Variants in MUC3A observed in about 807,000 individuals in gnomAD.
MUC3A encodes mucin 3A, cell surface associated.
A neutral mutation model predicts 109.0 loss-of-function variants in MUC3A; 109 were observed. The observed-to-expected ratio is 1.00, with a 90% CI of 0.86 to 1.17. MUC3A has a LOEUF of 1.17. Ranked by LOEUF, MUC3A falls within the 50% of genes most tolerant of loss-of-function variation. The pLI is 0.00. For synonymous variants in MUC3A, 1,398 were observed against 981.4 expected (o/e 1.42, Z -7.93); for missense variants, 3,537 against 2,469.4 (o/e 1.43, Z -9.16).
chr7:100,964,571 A>T, intron 5 of MUC3A, 124 bp from the exon 6 acceptor site: 2 of 1,425,166 alleles, frequency 1.4e-6, no homozygotes, highest in African/African-American at 1.4e-5. Context: ...TGCACGTGGC[A>T]TCCCAACTCA....
At chr7:100,966,334 G>A in intron 8 of MUC3A, 52 bp from the exon 9 acceptor site, 3 of 1,260,940 alleles carry the variant, frequency 2.4e-6, no homozygotes, top group Non-Finnish European at 3.0e-6. Flanking sequence ...AGGTGCACGG[G>A]TGGACCCCGA....
intron 1 of MUC3A, among the ~76,000 whole-genome samples, chr7:100,951,483 A>AGAG (rs534267105): frequency 2.3e-4 from 35 of 151,984 alleles, no homozygotes; most frequent in Non-Finnish European, 4.0e-4. Context: ...CAGGGGGAGG[A>AGAG]GAGGAAGGGG....
At chr7:100,949,776 A>T in intron 1 of MUC3A, 91 bp downstream of exon 1, 1 of 917,304 alleles carries the variant, frequency 1.1e-6, no homozygotes, top group Non-Finnish European at 1.3e-6. Flanking sequence ...AGGCCTGGGG[A>T]GGGGGGATAA....
chr7:100,959,869 C>T lies in MUC3A; in HGVS notation c.8090C>T (p.Ala2697Val), dbSNP rs781414186. ...ATCATGTCCTCTTCTCCATCTTCTG[C>T]CAGCATAACTCCAGTGTTTTCCACT... ...TIIMSSSPSS[A>V]SITPVFSTTI... The change falls in exon 2 of 12, where the codon GCC (alanine) becomes GTC (valine). Residue 2697 changes from alanine to valine, a missense_variant. Ala to Val is a moderately conservative substitution (Grantham distance 64). Transcript: ENST00000379458. 2 of 1,556,666 alleles carry T rather than the reference C, an allele frequency of 1.3e-6. No homozygotes were observed. Among genetic ancestry groups the T allele is most frequent in the Non-Finnish European group, 1.7e-6 (2 of 1,159,462 alleles).
Position 100,959,798 on chromosome 7 carries a change from C to A in MUC3A, c.8019C>A (p.Ile2673=). The part of the protein sequence containing the change: ...FTRGSTSTNA[I]LTSFSTIIWS... Reference sequence around the variant, plus strand: ...GGGGAAGTACGTCTACAAATGCAATCTTGACTTCTTTTAGTACCATCATCT... The same window carrying A: ...GGGGAAGTACGTCTACAAATGCAATATTGACTTCTTTTAGTACCATCATCT... The change falls in exon 2 of 12, where the codon ATC becomes ATA. Residue 2673 remains isoleucine (I), a synonymous_variant. Transcript: ENST00000379458. The A allele has an allele frequency of 6.3e-7, 1 of 1,593,490 alleles. No individual in the cohort carries two copies. The highest frequency in any genetic ancestry group is 1.1e-5 in the South Asian group (1 of 89,832).
At chr7:100,961,730 T>C (rs1384739369) in intron 3 of MUC3A, among the ~76,000 whole-genome samples, 1 of 152,306 alleles carries the variant, frequency 6.6e-6, no homozygotes, top group African/African-American at 2.4e-5. Context: ...GGAAAATCGC[T>C]TGAATCCAGG....
chr7:100,956,435 C>G lies in MUC3A; in HGVS notation c.4656C>G (p.Thr1552=), dbSNP rs984262273. ...CTGCCATCACCTCAGTTCCCACTAC[C>G]TTGGGTACCATGGTGACTTCTACAT... is the stretch of plus-strand genomic sequence containing the variant. ...PTTAITSVPT[T]LGTMVTSTSM... Residue 1552 remains threonine (T), a synonymous_variant, in exon 2 of 12, where the codon ACC becomes ACG. Transcript: ENST00000379458. The G allele has an allele frequency of 3.3e-5, 21 of 639,844 alleles. No homozygotes were observed. Among genetic ancestry groups the G allele is most frequent in the Non-Finnish European group, 5.8e-5 (21 of 359,284 alleles). The allele number at this position is 639,844 out of a possible 1,614,324, so 39.6% of individuals were successfully genotyped here.
Position 100,965,743 on chromosome 7 carries a change from T to G in MUC3A, c.9488T>G (p.Phe3163Cys). Residue 3163 changes from phenylalanine to cysteine, a missense_variant, in exon 8 of 12, where the codon TTC becomes TGC. Coordinates refer to ENST00000379458, the MANE Select transcript of MUC3A (RefSeq NM_005960.2). ...RRAAPTGYEE[F>C]YFPLVEATRL... is the part of the protein sequence containing the mutation. ...GCCGCTCCCACGGGCTATGAAGAGTTCTACTTCCCCTTGGTGGAGGCCACC... is the reference window on the plus strand; with the variant it reads ...GCCGCTCCCACGGGCTATGAAGAGTGCTACTTCCCCTTGGTGGAGGCCACC... 6.3e-7 allele frequency: 1 copy of G among 1,598,430 alleles called. No homozygotes were observed. Among genetic ancestry groups the G allele is most frequent in the Non-Finnish European group, 8.5e-7 (1 of 1,179,782 alleles).
chr7:100,967,595 A>C lies in MUC3A; in HGVS notation c.*433A>C. ...CACCTGGTCTCTGGCCCTGGTTCTT[A>C]TTTTCTCTCAATTCCCTACTGCCTG... On this transcript the variant is annotated 3_prime_UTR_variant, in exon 12 of 12. Coordinates refer to ENST00000379458, the MANE Select transcript of MUC3A (RefSeq NM_005960.2). 8.9e-6 allele frequency: 3 copies of C among 338,590 alleles called. No individual in the cohort carries two copies. The highest frequency in any genetic ancestry group is 5.6e-5 in the East Asian group (1 of 17,876). The allele number at this position is 338,590 out of a possible 1,614,324, so 21.0% of individuals were successfully genotyped here. A position where few individuals can be genotyped will look rare whatever the true frequency, so the allele number is the denominator to read the frequency against.
At chr7:100,966,817 C>A in intron 10 of MUC3A, 74 bp downstream of exon 10, 1 of 1,598,420 alleles carries the variant, frequency 6.3e-7, no homozygotes, top group Non-Finnish European at 8.5e-7. Context: ...CCCTCCCTGC[C>A]TTCCTCGCAT....
chr7:100,960,519 C>T lies in MUC3A; in HGVS notation c.8740C>T (p.Pro2914Ser). The change falls in exon 2 of 12, where the codon CCA (proline) becomes TCA (serine). Residue 2914 changes from proline to serine, a missense_variant. Transcript: ENST00000379458. ...TTCAAGCAAGTCAACACACCCCTCCCCACCCACCACTAGGACTTCAGAGAC... is the reference window on the plus strand; with the variant it reads ...TTCAAGCAAGTCAACACACCCCTCCTCACCCACCACTAGGACTTCAGAGAC... ...RTSSKSTHPS[P>S]PTTRTSETPV... The T allele has an allele frequency of 6.3e-7, 1 of 1,598,714 alleles. No individual in the cohort carries two copies.
rs971846699 is a variant in MUC3A at position 100,957,648 on chromosome 7, A to C, written c.5869A>C (p.Ser1957Arg). Residue 1957 changes from serine (S) to arginine (R), a missense_variant, in exon 2 of 12, where the codon AGC (serine) becomes CGC (arginine). By Grantham distance (110) the Ser-to-Arg change is moderately radical. Transcript: ENST00000379458. ...CAAGACCACCTCACACAGCTCTCCC[A>C]GCTTCACTTCTTCGATCACCACCAC... ...NTKTTSHSSPSFTSSITTTET... is the reference protein window; with the variant it reads ...NTKTTSHSSPRFTSSITTTET... 4.5e-6 allele frequency: 7 copies of C among 1,570,632 alleles called. No individual in the cohort carries two copies. The highest frequency in any genetic ancestry group is 6.0e-6 in the Non-Finnish European group (7 of 1,160,276).
At position 100,964,816 on chromosome 7, in the gene MUC3A, G is replaced by A. The variant is rs587715705; in HGVS notation, c.9355G>A (p.Asp3119Asn). ...LKEGLQNASQ[D>N]VNSCQDSQTL... is the part of the protein sequence containing the mutation. ...GGAGGGGCTGCAGAACGCCAGCCAG[G>A]ATGTGAACAGCTGCCAGGACTCCCA... The change falls in exon 6 of 12, where the codon GAT becomes AAT. Residue 3119 changes from aspartate to asparagine, a missense_variant. By Grantham distance (23) the Asp-to-Asn change is conservative (BLOSUM62 1). Coordinates refer to ENST00000379458, the MANE Select transcript of MUC3A (RefSeq NM_005960.2). The A allele has an allele frequency of 3.4e-5, 55 of 1,598,192 alleles. No homozygotes were observed. In the South Asian group the frequency reaches 5.9e-4, roughly 17 times the overall value.
Position 100,953,569 on chromosome 7 carries a change from G to A in MUC3A, c.1790G>A (p.Gly597Asp). The change falls in exon 2 of 12, where the codon GGT (glycine) becomes GAT (aspartate). Residue 597 changes from glycine to aspartate, a missense_variant. Gly to Asp is a moderately conservative substitution (Grantham distance 94). Coordinates refer to ENST00000379458, the MANE Select transcript of MUC3A (RefSeq NM_005960.2). The part of the protein sequence containing the change: ...PSTTAATTGT[G>D]QTTFTSSTAT... ...ACCACTGCAGCAACTACAGGAACAG[G>A]TCAGACCACCTTCACCAGCTCTACA... 1 of 382,698 alleles carries A rather than the reference G, an allele frequency of 2.6e-6. No homozygotes were observed. The highest frequency in any genetic ancestry group is 4.4e-6 in the Non-Finnish European group (1 of 225,414). 23.7% of individuals were successfully genotyped at this position (382,698 alleles called of 1,614,324 possible). A position where few individuals can be genotyped will look rare whatever the true frequency, so the allele number is the denominator to read the frequency against.
At position 100,957,519 on chromosome 7, in the gene MUC3A, A is replaced by C. The variant is rs1792130333; in HGVS notation, c.5740A>C (p.Thr1914Pro). ...TPSFTSSIAT[T>P]ETPSHSTPRF... ...TAGCTTCACTTCTTCAATCGCAACC[A>C]CCGAGACCCCCTCACACAGTACTCC... is the stretch of plus-strand genomic sequence containing the variant. Residue 1914 changes from threonine to proline, a missense_variant, in exon 2 of 12, where the codon ACC (threonine) becomes CCC (proline). Thr to Pro is a conservative substitution (Grantham distance 38). Transcript: ENST00000379458. 34 of 1,403,202 alleles carry C rather than the reference A, an allele frequency of 2.4e-5. No individual in the cohort carries two copies. Among genetic ancestry groups the C allele is most frequent in the South Asian group, 3.4e-5 (2 of 59,282 alleles). The allele number at this position is 1,403,202 out of a possible 1,614,324, so 86.9% of individuals were successfully genotyped here.
chr7:100,965,054 G>T (rs1414378690), intron 6 of MUC3A: 13 of 1,099,852 alleles, frequency 1.2e-5, no homozygotes, highest in South Asian at 1.6e-5. Context: ...CCCCCTGATT[G>T]TCATGGTCAG....
chr7:100,964,705 A>G lies in MUC3A; in HGVS notation c.9244A>G (p.Ile3082Val), dbSNP rs1253528987. ...CTGTGGACCCCTCAGGAATGGCAGC[A>G]TCGTGGTGGACTACCTGGTCCTGCT... ...VEILSLRNGS[I>V]VVDYLVLLEM... The change falls in exon 6 of 12, where the codon ATC becomes GTC. Residue 3082 changes from isoleucine to valine, a missense_variant. Coordinates refer to ENST00000379458, the MANE Select transcript of MUC3A (RefSeq NM_005960.2). 1.3e-6 allele frequency: 2 copies of G among 1,598,134 alleles called. No individual in the cohort carries two copies. Among genetic ancestry groups the G allele is most frequent in the Non-Finnish European group, 1.7e-6 (2 of 1,179,622 alleles).
chr7:100,961,371 C>T (rs1261272450), intron 3 of MUC3A, among the ~76,000 whole-genome samples: 1 of 8,380 alleles, frequency 1.2e-4, no homozygotes, highest in African/African-American at 6.0e-4. Flanking sequence ...CCCTTTGCAG[C>T]TTCTGGAGCC....
rs1792091332 is a variant in MUC3A at position 100,956,210 on chromosome 7, T to G, written c.4431T>G (p.Thr1477=). ...CAAGCACTGTCACAGAGTCCACAAC[T>G]GAAATCACCTATCCCACCACTATGA... is the stretch of plus-strand genomic sequence containing the variant. The part of the protein sequence containing the change: ...SPTSTVTEST[T]EITYPTTMTE... Residue 1477 remains threonine, a synonymous_variant, in exon 2 of 12, where the codon ACT becomes ACG. Coordinates refer to ENST00000379458, the MANE Select transcript of MUC3A (RefSeq NM_005960.2). The G allele has an allele frequency of 6.8e-6, 3 of 439,984 alleles. No homozygotes were observed. The highest frequency in any genetic ancestry group is 4.3e-5 in the African/African-American group (2 of 46,882). 27.3% of individuals were successfully genotyped at this position (439,984 alleles called of 1,614,324 possible).
Sources: allele counts gnomAD v4.1 joint callset (sites outside exome capture counted in the v4.1 genomes callset), GRCh38; gene constraint gnomAD v4.1.1; transcripts MANE v1.5; gene names NCBI Gene and HGNC (gene_info 2026-07-23, HGNC 2026-07-21).